NAALADL2: variants seen among roughly 807,000 people sequenced by gnomAD.
NAALADL2 encodes N-acetylated alpha-linked acidic dipeptidase like 2.
Under a neutral mutation model 87.2 loss-of-function variants are expected in NAALADL2, and 76 were observed. The ratio of observed to expected loss-of-function variants is 0.87; its 90% confidence interval spans 0.72 to 1.05. NAALADL2 has a LOEUF of 1.05. Among genes scored for constraint, NAALADL2 ranks in the 50% least tolerant of loss-of-function variants. The probability of loss-of-function intolerance (pLI) is 0.00; values close to 1 mark genes in which losing one functional copy is unlikely to be tolerated. For missense variants in NAALADL2, 1,089 were observed against 945.8 expected (o/e 1.15, Z -1.99); for synonymous variants, 354 against 331.0 (o/e 1.07, Z -0.75).
chr3:175,464,893 A>C (rs1437891647), intron 7 of NAALADL2, among the ~76,000 whole-genome samples: 2 of 152,222 alleles, frequency 1.3e-5, no homozygotes, highest in East Asian at 3.8e-4. Context: ...GAAGCACTAG[A>C]ATATTTATTA....
chr3:175,366,448 C>T (rs55779100), intron 5 of NAALADL2, among the ~76,000 whole-genome samples: 55,961 of 150,596 alleles, frequency 0.37, 10,674 homozygotes, highest in East Asian at 0.51. Flanking sequence ...ACTTCCACAA[C>T]GGTTGAACTA....
At chr3:175,093,415 T>TA (rs533226344) in intron 1 of NAALADL2, among the ~76,000 whole-genome samples, 30,599 of 125,722 alleles carry the variant, frequency 0.24, 5,378 homozygotes, top group African/African-American at 0.52. Flanking sequence ...ATTTTATTTT[T>TA]TTATATATAT....
At chr3:174,690,422 T>C (rs533642565) in intron 2 of NAALADL2, among the ~76,000 whole-genome samples, 1 of 152,320 alleles carries the variant, frequency 6.6e-6, no homozygotes, top group African/African-American at 2.4e-5. Context: ...TTGTTGTGGA[T>C]TAAATTAAGC....
At chr3:174,514,953 G>A (rs1274896775) in intron 1 of NAALADL2, among the ~76,000 whole-genome samples, 1 of 152,068 alleles carries the variant, frequency 6.6e-6, no homozygotes, top group Non-Finnish European at 1.5e-5. Flanking sequence ...ATAATACCTA[G>A]TTGAGGTCAT....
Position 175,674,153 on chromosome 3 carries a change from A to G in NAALADL2, c.1896+46767A>G, listed in dbSNP as rs140427611. Among the ~76,000 whole-genome samples the G allele has an allele frequency of 7.7e-3, 1,176 of 152,142 alleles. 18 individuals are homozygous for G. Among genetic ancestry groups the G allele is most frequent in the African/African-American group, 0.026 (1,093 of 41,520 alleles). On this transcript the variant is annotated intron_variant, in intron 11 of 13. Coordinates refer to ENST00000454872, the MANE Select transcript of NAALADL2 (RefSeq NM_207015.3). ...CACTACATCCTCCTCTGAATCCCAA[A>G]CCCTAATTTCTAGTATTTATTTTTT...
rs142088137 is a variant in NAALADL2, at chr3:175,184,151, G to T, written c.546-49780G>T. 8.1e-4 allele frequency among the ~76,000 whole-genome samples: 123 copies of T among 152,064 alleles called. 1 individual carries two copies. Among genetic ancestry groups the T allele is most frequent in the Admixed American group, 7.4e-3 (113 of 15,246 alleles). On this transcript the variant is annotated intron_variant, in intron 2 of 13. Transcript: ENST00000454872. The stretch of plus-strand genomic sequence containing the variant: ...CCTTTGACATTCTTTGTCCATAGTT[G>T]CTTGTGTGCCCCATTTCCTAAAATT...
chr3:175,314,184 C>G lies in NAALADL2; in HGVS notation c.940-9991C>G, dbSNP rs918571329. Among the ~76,000 whole-genome samples, 5 of 151,564 alleles carry G rather than the reference C, an allele frequency of 3.3e-5. No individual in the cohort carries two copies. In the East Asian group the frequency reaches 9.7e-4, roughly 30 times the overall value. ...ACTGCCGTGTCCTGCCCATATATTG[C>G]TAGTACCATGTATTTCAGAGCTGAT... On this transcript the variant is annotated intron_variant, in intron 4 of 13. Coordinates refer to ENST00000454872, the MANE Select transcript of NAALADL2 (RefSeq NM_207015.3).
At chr3:175,012,357 G>A (rs9853515) in intron 1 of NAALADL2, among the ~76,000 whole-genome samples, 18,517 of 151,746 alleles carry the variant, frequency 0.12, 1,272 homozygotes, top group East Asian at 0.3. Context: ...TAGTAGAGAC[G>A]GAGTTTCACC....
At chr3:175,701,689 A>G (rs1310663518) in intron 11 of NAALADL2, among the ~76,000 whole-genome samples, 1 of 152,154 alleles carries the variant, frequency 6.6e-6, no homozygotes, top group Admixed American at 6.6e-5. Flanking sequence ...CAATATTCAT[A>G]TCATGACTGT....
At chr3:175,309,916 GTC>G (rs1163404255) in intron 4 of NAALADL2, among the ~76,000 whole-genome samples, 1 of 152,136 alleles carries the variant, frequency 6.6e-6, no homozygotes, top group Admixed American at 6.5e-5. Flanking sequence ...TGCCCAGCAT[GTC>G]TCTCTTAATT....
intron 2 of NAALADL2, among the ~76,000 whole-genome samples, chr3:175,107,861 A>G (rs1337421632): frequency 6.6e-6 from 1 of 151,806 alleles, no homozygotes; most frequent in Admixed American, 6.6e-5. Context: ...ATGCTTAATC[A>G]TTTTCTTCAA....
At chr3:175,013,082 ACATATT>A (rs1422208835) in intron 1 of NAALADL2, among the ~76,000 whole-genome samples, 2 of 77,204 alleles carry the variant, frequency 2.6e-5, no homozygotes, top group African/African-American at 1.7e-4. Flanking sequence ...AATATGTAAT[ACATATT>A]TATATATAAA....
rs1156483549 is a variant in NAALADL2, at chr3:175,363,033, G to A, written c.1090+38708G>A. Among the ~76,000 whole-genome samples the A allele has an allele frequency of 1.4e-5, 2 of 147,058 alleles. 1 individual carries two copies. Among genetic ancestry groups the A allele is most frequent in the Non-Finnish European group, 3.0e-5 (2 of 66,236 alleles). On this transcript the variant is annotated intron_variant, in intron 5 of 13. Transcript: ENST00000454872. The stretch of plus-strand genomic sequence containing the variant: ...ACTTTTCTCTTCTGTTATCTTTTCT[G>A]TGTATCTTATCTTGTATTATCTTAT...
chr3:175,650,361 A>G (rs1294472297), intron 11 of NAALADL2, among the ~76,000 whole-genome samples: 1 of 152,142 alleles, frequency 6.6e-6, no homozygotes, highest in Non-Finnish European at 1.5e-5. Context: ...AACTCAAAGG[A>G]ATTTTTTTAG....
chr3:174,998,662 G>C (rs777025747), intron 1 of NAALADL2, among the ~76,000 whole-genome samples: 5 of 152,110 alleles, frequency 3.3e-5, no homozygotes, highest in Non-Finnish European at 7.4e-5. Context: ...TCTGCATGTT[G>C]AGTCAGATTC....
chr3:174,645,422 G>A (rs1216481429), intron 2 of NAALADL2, among the ~76,000 whole-genome samples: 1 of 152,114 alleles, frequency 6.6e-6, no homozygotes, highest in Non-Finnish European at 1.5e-5. Context: ...TCATGCTGTT[G>A]CTTTGGTTAC....
Position 174,928,508 on chromosome 3 carries a change from G to A in NAALADL2, c.43+69058G>A, listed in dbSNP as rs138941432. On this transcript the variant is annotated intron_variant, in intron 1 of 13. Transcript: ENST00000454872. ...ACCCGCCTCGGCCTCCCAAAGTGCT[G>A]GTATTACAGGCGTGAGCCACCGCGC... 2.9e-3 allele frequency among the ~76,000 whole-genome samples: 434 copies of A among 152,136 alleles called. 2 individuals are homozygous for A. Among genetic ancestry groups the A allele is most frequent in the African/African-American group, 0.01 (418 of 41,500 alleles).
chr3:175,560,663 A>G (rs1716122855), intron 9 of NAALADL2, among the ~76,000 whole-genome samples: 1 of 151,984 alleles, frequency 6.6e-6, no homozygotes, highest in South Asian at 2.1e-4. Context: ...TTGTTTCAAG[A>G]AAGTTTTGTT....
chr3:175,315,468 G>A (rs1413457261), intron 4 of NAALADL2, among the ~76,000 whole-genome samples: 2 of 152,112 alleles, frequency 1.3e-5, no homozygotes, highest in Non-Finnish European at 2.9e-5. Context: ...GTATAAACAT[G>A]TTAATAAATT....
Sources: allele counts gnomAD v4.1 joint callset (sites outside exome capture counted in the v4.1 genomes callset), GRCh38; gene constraint gnomAD v4.1.1; transcripts MANE v1.5; gene names NCBI Gene and HGNC (gene_info 2026-07-23, HGNC 2026-07-21).